KCNIP4: variants seen among roughly 807,000 people sequenced by gnomAD.
KCNIP4 encodes potassium voltage-gated channel interacting protein 4.
In KCNIP4, 12 loss-of-function variants were observed where a neutral mutation model predicts 34.0. The ratio of observed to expected loss-of-function variants is 0.35; its 90% confidence interval spans 0.23 to 0.57. The LOEUF (loss-of-function observed/expected upper bound fraction) is 0.57, where lower values mean the gene tolerates loss of function less well. Ranked by LOEUF, KCNIP4 falls within the 20% of genes least tolerant of loss-of-function variation. The pLI, the probability that KCNIP4 is intolerant of heterozygous loss-of-function variation, is 0.83. For synonymous variants in KCNIP4, 124 were observed against 102.2 expected, an observed-to-expected ratio of 1.21 and a Z score of -1.29; for missense variants, 238 against 311.7, an observed-to-expected ratio of 0.76 and a Z score of 1.78.
chr4:20,842,604 A>G (rs796409249), intron 3 of KCNIP4, among the ~76,000 whole-genome samples: 1 of 147,978 alleles, frequency 6.8e-6, no homozygotes, highest in African/African-American at 2.5e-5. Context: ...AAAAAAAAAA[A>G]AAAAAAGCCA....
chr4:21,478,248 ATT>A (rs1560445001), intron 1 of KCNIP4, among the ~76,000 whole-genome samples: 10 of 16,950 alleles, frequency 5.9e-4, no homozygotes, highest in African/African-American at 3.0e-3. Context: ...TTATTTACAT[ATT>A]TATTTATTTA....
intron 1 of KCNIP4, among the ~76,000 whole-genome samples, chr4:21,831,632 A>C (rs1237698507): frequency 6.8e-6 from 1 of 146,950 alleles, no homozygotes; most frequent in Non-Finnish European, 1.5e-5. Context: ...CAATAATAAG[A>C]AGATTGAATC....
intron 1 of KCNIP4, among the ~76,000 whole-genome samples, chr4:21,004,336 C>T (rs182228188): frequency 2.0e-5 from 3 of 152,298 alleles, no homozygotes; most frequent in Admixed American, 2.0e-4. Context: ...ATATGGGCGA[C>T]TCCCAAATTT....
At chr4:21,419,288 A>G (rs1303213747) in intron 1 of KCNIP4, among the ~76,000 whole-genome samples, 1 of 152,174 alleles carries the variant, frequency 6.6e-6, no homozygotes, top group African/African-American at 2.4e-5. Context: ...ATCCCAAACA[A>G]TAGCTTCCTA....
intron 3 of KCNIP4, among the ~76,000 whole-genome samples, chr4:20,790,376 T>TA (rs1712579491): frequency 6.6e-6 from 1 of 152,136 alleles, no homozygotes; most frequent in South Asian, 2.1e-4. Flanking sequence ...TAAATTTATT[T>TA]AAAAAATATA....
At chr4:21,591,881 T>C (rs1047410451) in intron 1 of KCNIP4, among the ~76,000 whole-genome samples, 1 of 152,018 alleles carries the variant, frequency 6.6e-6, no homozygotes, top group African/African-American at 2.4e-5. Flanking sequence ...TAATGTCCAA[T>C]ATATGAAGAA....
At chr4:21,117,798 C>T (rs1577722552) in intron 1 of KCNIP4, among the ~76,000 whole-genome samples, 1 of 152,086 alleles carries the variant, frequency 6.6e-6, no homozygotes, top group Non-Finnish European at 1.5e-5. Flanking sequence ...TTTGCCTCTA[C>T]TGGGGAGTGG....
At chr4:21,056,528 C>T (rs1743420678) in intron 1 of KCNIP4, among the ~76,000 whole-genome samples, 2 of 152,084 alleles carry the variant, frequency 1.3e-5, no homozygotes, top group Non-Finnish European at 2.9e-5. Context: ...TGTCTCATTT[C>T]CCTTCATTAT....
intron 1 of KCNIP4, among the ~76,000 whole-genome samples, chr4:21,567,927 C>T (rs565267763): frequency 9.9e-5 from 15 of 152,140 alleles, no homozygotes; most frequent in South Asian, 2.1e-4. Flanking sequence ...CAGTTCACAA[C>T]GCAGAAGGGG....
intron 1 of KCNIP4, among the ~76,000 whole-genome samples, chr4:21,807,381 A>G (rs1721362568): frequency 6.6e-6 from 1 of 152,194 alleles, no homozygotes; most frequent in East Asian, 1.9e-4. Context: ...ATCTCCATGA[A>G]GGCCAGCTAC....
At chr4:21,852,574 T>G (rs1269223385) in intron 1 of KCNIP4, 1 of 152,164 alleles carries the variant, frequency 6.6e-6, no homozygotes. Flanking sequence ...ACAGTAAACA[T>G]AAGCTTAAAT....
At chr4:21,474,354 T>A (rs905158825) in intron 1 of KCNIP4, among the ~76,000 whole-genome samples, 1 of 152,100 alleles carries the variant, frequency 6.6e-6, no homozygotes, top group African/African-American at 2.4e-5. Flanking sequence ...TAATCCAGAG[T>A]CTGCAGATGA....
At chr4:21,728,146 A>T (rs2109106215) in intron 1 of KCNIP4, among the ~76,000 whole-genome samples, 1 of 152,256 alleles carries the variant, frequency 6.6e-6, no homozygotes, top group East Asian at 1.9e-4. Context: ...TTAAATCTCC[A>T]GCCTGAGTCT....
At chr4:21,453,021 T>C (rs1344670289) in intron 1 of KCNIP4, among the ~76,000 whole-genome samples, 1 of 152,154 alleles carries the variant, frequency 6.6e-6, no homozygotes, top group African/African-American at 2.4e-5. Context: ...AGGCACCTTT[T>C]AGCCATTATT....
intron 1 of KCNIP4, among the ~76,000 whole-genome samples, chr4:21,856,359 GTGGCTCTCTTTAC>G (rs1184906177): frequency 6.7e-4 from 102 of 152,346 alleles, no homozygotes; most frequent in African/African-American, 2.2e-3. Flanking sequence ...AAAGTTGTGA[GTGGCTCTCTTTAC>G]AGAAATTTTA....
chr4:21,539,871 C>T (rs1015347347), intron 1 of KCNIP4, among the ~76,000 whole-genome samples: 3 of 151,824 alleles, frequency 2.0e-5, no homozygotes, highest in South Asian at 2.1e-4. Flanking sequence ...CCCAGCTACT[C>T]GGAAGGCTGA....
chr4:21,284,703 C>T (rs1486095333), intron 1 of KCNIP4, among the ~76,000 whole-genome samples: 1 of 151,674 alleles, frequency 6.6e-6, no homozygotes, highest in Non-Finnish European at 1.5e-5. Context: ...CTTAAATATA[C>T]CTGTTCCTGT....
chr4:21,927,664 G>A (rs190395473), intron 1 of KCNIP4, among the ~76,000 whole-genome samples: 3 of 152,152 alleles, frequency 2.0e-5, no homozygotes, highest in East Asian at 3.9e-4. Context: ...ACAAGTATTC[G>A]GTTTACTTTT....
At chr4:21,229,416 AG>A (rs1758636853) in intron 1 of KCNIP4, among the ~76,000 whole-genome samples, 1 of 152,130 alleles carries the variant, frequency 6.6e-6, no homozygotes, top group Non-Finnish European at 1.5e-5. Flanking sequence ...AGGCTCTCTG[AG>A]GTCAGAATTC....
Sources: gnomAD v4.1 joint callset for allele counts (sites outside exome capture counted in the v4.1 genomes callset) on GRCh38, gnomAD v4.1.1 for gene constraint, MANE v1.5 for transcripts, NCBI Gene and HGNC (gene_info 2026-07-23, HGNC 2026-07-21) for gene names.